Variants in CCDC7 observed in about 807,000 individuals in gnomAD.
CCDC7 encodes coiled-coil domain-containing protein 7.
Under a neutral mutation model 196.9 loss-of-function variants are expected in CCDC7, and 183 were observed. The observed-to-expected ratio is 0.93, with a 90% CI of 0.82 to 1.05. The LOEUF is 1.05. CCDC7 is among the 50% of genes least tolerant of loss of function. The probability of loss-of-function intolerance (pLI) is 0.00; values close to 1 mark genes in which losing one functional copy is unlikely to be tolerated. For missense variants in CCDC7, 1,540 were observed against 1,482.2 expected, an observed-to-expected ratio of 1.04 and a Z score of -0.64; for synonymous variants, 525 against 484.6, an observed-to-expected ratio of 1.08 and a Z score of -1.10.
exon 42 of CCDC7, chr10:32,876,392 G>T: frequency 6.2e-7 from 1 of 1,608,828 alleles, no homozygotes; most frequent in Non-Finnish European, 8.5e-7. Flanking sequence ...CCATACTTTT[G>T]AGAATGAAGG....
upstream of CCDC7, among the ~76,000 whole-genome samples, chr10:32,443,634 A>G (rs1239158004): frequency 6.6e-6 from 1 of 152,178 alleles, no homozygotes; most frequent in Non-Finnish European, 1.5e-5. Flanking sequence ...ATATGTGGAT[A>G]TATTTCTTAA....
chr10:32,744,609 G>A (rs2074400924), intron 28 of CCDC7, among the ~76,000 whole-genome samples: 1 of 152,144 alleles, frequency 6.6e-6, no homozygotes, highest in South Asian at 2.1e-4. Flanking sequence ...CTTATCATCT[G>A]TATGTCTTCT....
At chr10:32,546,568 A>G (rs1162567448) in intron 13 of CCDC7, among the ~76,000 whole-genome samples, 1 of 152,230 alleles carries the variant, frequency 6.6e-6, no homozygotes, top group Non-Finnish European at 1.5e-5. Context: ...TATACACCTG[A>G]ATGACCCAAG....
Position 32,575,082 on chromosome 10 carries a change from A to G in CCDC7, c.1454+3189A>G, listed in dbSNP as rs538047763. On this transcript the variant is annotated intron_variant, in intron 16 of 41. Coordinates refer to ENST00000639629, the Ensembl canonical transcript of CCDC7. ...AAACAAGTAAAAATAAATGAACAAG[A>G]TAATTTTAGAGACTAATACATGGAG... Among the ~76,000 whole-genome samples the G allele has an allele frequency of 1.2e-4, 19 of 152,324 alleles. No individual in the cohort carries two copies. The East Asian group carries it at 2.9e-3, about 23-fold the overall frequency.
chr10:32,701,678 A>G (rs1253077624), intron 24 of CCDC7, among the ~76,000 whole-genome samples: 1 of 152,172 alleles, frequency 6.6e-6, no homozygotes, highest in Non-Finnish European at 1.5e-5. Flanking sequence ...GCTACTAATT[A>G]TTGCCTCAAT....
chr10:32,559,594 G>A (rs947033061), intron 13 of CCDC7, among the ~76,000 whole-genome samples: 16 of 152,204 alleles, frequency 1.1e-4, no homozygotes, highest in Admixed American at 1.3e-4. Context: ...AACTCCAACA[G>A]ACCTGCAGCT....
chr10:32,557,409 A>G (rs548432165), intron 13 of CCDC7, among the ~76,000 whole-genome samples: 53 of 152,038 alleles, frequency 3.5e-4, no homozygotes, highest in African/African-American at 1.1e-3. Context: ...GACATTTTCA[A>G]TGTATTATTA....
chr10:32,448,785 T>G (rs1220434783), upstream of CCDC7, among the ~76,000 whole-genome samples: 1 of 152,092 alleles, frequency 6.6e-6, no homozygotes, highest in Non-Finnish European at 1.5e-5. Context: ...ATATAGGCCT[T>G]TATTTTCTCA....
rs181379017 is a variant in CCDC7 at position 32,623,923 on chromosome 10, A to G, written c.1802-10331A>G. Reference sequence around the variant, plus strand: ...CACTTCTTCCCAAGGGGATGGTGCTAAACTGTTCATGAGGGATCCTCCCGT... The same window carrying G: ...CACTTCTTCCCAAGGGGATGGTGCTGAACTGTTCATGAGGGATCCTCCCGT... On this transcript the variant is annotated intron_variant, in intron 18 of 41. Transcript: ENST00000639629. 162 of 372,228 alleles carry G rather than the reference A, an allele frequency of 4.4e-4. 1 individual carries two copies. Among genetic ancestry groups the G allele is most frequent in the African/African-American group, 2.9e-3 (139 of 47,492 alleles). The allele number at this position is 372,228 out of a possible 1,614,324, so 23.1% of individuals were successfully genotyped here. A position where few individuals can be genotyped will look rare whatever the true frequency, so the allele number is the denominator to read the frequency against.
chr10:32,840,455 G>C (rs1460412931), intron 33 of CCDC7, among the ~76,000 whole-genome samples: 2 of 151,980 alleles, frequency 1.3e-5, no homozygotes, highest in Non-Finnish European at 2.9e-5. Flanking sequence ...AAACCAGGAA[G>C]GTATAGAATC....
At chr10:32,797,401 A>G (rs1185617250) in intron 29 of CCDC7, among the ~76,000 whole-genome samples, 1 of 152,062 alleles carries the variant, frequency 6.6e-6, no homozygotes, top group African/African-American at 2.4e-5. Context: ...TTCTAAGTGA[A>G]GTAACTCAGG....
At chr10:32,640,887 T>TTTTA (rs1269017758) in intron 20 of CCDC7, among the ~76,000 whole-genome samples, 3 of 137,446 alleles carry the variant, frequency 2.2e-5, no homozygotes, top group Admixed American at 7.6e-5. Flanking sequence ...TTTTTTTTTT[T>TTTTA]ATTATACTCT....
At chr10:32,735,552 TA>T (rs2084722570) in intron 28 of CCDC7, among the ~76,000 whole-genome samples, 1 of 152,226 alleles carries the variant, frequency 6.6e-6, no homozygotes, top group Admixed American at 6.5e-5. Flanking sequence ...GCCCATGTTG[TA>T]ATAGGTTTAT....
At chr10:32,508,287 TTAGAG>T (rs1256238927) in intron 9 of CCDC7, among the ~76,000 whole-genome samples, 1 of 152,068 alleles carries the variant, frequency 6.6e-6, no homozygotes, top group East Asian at 1.9e-4. Flanking sequence ...AAGAAAACAT[TTAGAG>T]TAGCATGAAA....
intron 3 of CCDC7, among the ~76,000 whole-genome samples, chr10:32,462,254 C>A (rs1402282022): frequency 3.3e-5 from 5 of 152,004 alleles, no homozygotes; most frequent in Non-Finnish European, 5.9e-5. Context: ...AACTCCATCC[C>A]TATTAAAAAC....
chr10:32,739,689 TTTG>T (rs2085482505), intron 28 of CCDC7, among the ~76,000 whole-genome samples: 1 of 152,048 alleles, frequency 6.6e-6, no homozygotes, highest in Non-Finnish European at 1.5e-5. Flanking sequence ...ACTTGAAATT[TTTG>T]TTGTTGTTGT....
exon 11 of CCDC7, chr10:32,518,491 T>C: frequency 2.5e-6 from 4 of 1,607,460 alleles, no homozygotes; most frequent in Non-Finnish European, 3.4e-6. Context: ...ACTACAAAAG[T>C]TGAAGGACAA....
intron 20 of CCDC7, among the ~76,000 whole-genome samples, chr10:32,644,424 A>G (rs2067389342): frequency 6.6e-6 from 1 of 152,096 alleles, no homozygotes; most frequent in Non-Finnish European, 1.5e-5. Flanking sequence ...TTTAGATTCC[A>G]CATATGAGTG....
At chr10:32,509,374 C>T (rs2045735286) in intron 9 of CCDC7, among the ~76,000 whole-genome samples, 2 of 151,942 alleles carry the variant, frequency 1.3e-5, no homozygotes, top group African/African-American at 2.4e-5. Context: ...TGATGTTGGA[C>T]CTTCATGCCA....
Sources: gnomAD v4.1 joint callset for allele counts (sites outside exome capture counted in the v4.1 genomes callset) on GRCh38, gnomAD v4.1.1 for gene constraint, MANE v1.5 for transcripts, NCBI Gene and HGNC (gene_info 2026-07-23, HGNC 2026-07-21) for gene names.